The following FAM135B variants were observed in gnomAD, a reference collection of about 807,000 sequenced individuals.
The protein encoded by FAM135B is family with sequence similarity 135 member B.
A neutral mutation model predicts 127.7 loss-of-function variants in FAM135B; 43 were observed. The observed-to-expected ratio is 0.34, with a 90% confidence interval of 0.26 to 0.43. FAM135B has a LOEUF of 0.43. Ranked by LOEUF, FAM135B falls within the 20% of genes least tolerant of loss-of-function variation. The pLI is 1.00. For missense variants in FAM135B, 1,558 were observed against 1,725.6 expected (o/e 0.90, Z 1.72); for synonymous variants, 670 against 665.1 (o/e 1.01, Z -0.11).
intron 1 of FAM135B, among the ~76,000 whole-genome samples, chr8:138,383,162 C>T (rs1204870876): frequency 6.6e-6 from 1 of 152,224 alleles, no homozygotes; most frequent in Non-Finnish European, 1.5e-5. Flanking sequence ...CCTCCAGCTC[C>T]TCAGATGATT....
At chr8:138,225,356 G>C (rs953314718) in intron 7 of FAM135B, among the ~76,000 whole-genome samples, 4 of 151,854 alleles carry the variant, frequency 2.6e-5, no homozygotes, top group Admixed American at 2.0e-4. Context: ...GCCAGGAAGA[G>C]AGCCCTCACC....
chr8:138,441,498 C>T (rs992393862), intron 1 of FAM135B: 1 of 152,186 alleles, frequency 6.6e-6, no homozygotes, highest in Non-Finnish European at 1.5e-5. Context: ...CCATCAGCAT[C>T]ACTATTGTGT....
chr8:138,357,609 G>C (rs1414236604), intron 2 of FAM135B, among the ~76,000 whole-genome samples: 1 of 151,934 alleles, frequency 6.6e-6, no homozygotes, highest in Non-Finnish European at 1.5e-5. Flanking sequence ...AGTTTAAAAT[G>C]AAGATATCTA....
At chr8:138,376,527 T>C (rs1199911579) in intron 1 of FAM135B, among the ~76,000 whole-genome samples, 1 of 152,226 alleles carries the variant, frequency 6.6e-6, no homozygotes, top group African/African-American at 2.4e-5. Context: ...GTGGTTTCTC[T>C]GGCCCTTACC....
chr8:138,406,719 C>A (rs1346079449), intron 1 of FAM135B, among the ~76,000 whole-genome samples: 1 of 151,180 alleles, frequency 6.6e-6, no homozygotes, highest in East Asian at 1.9e-4. Flanking sequence ...ACCGTTCATG[C>A]TAAAAACTCT....
At chr8:138,406,312 C>G (rs1312677387) in intron 1 of FAM135B, among the ~76,000 whole-genome samples, 3 of 152,146 alleles carry the variant, frequency 2.0e-5, no homozygotes, top group Non-Finnish European at 4.4e-5. Context: ...GGATTCACAG[C>G]TGAATTCTAC....
intron 9 of FAM135B, among the ~76,000 whole-genome samples, chr8:138,182,978 C>T (rs1286199591): frequency 6.6e-6 from 1 of 152,180 alleles, no homozygotes; most frequent in African/African-American, 2.4e-5. Flanking sequence ...TCGTGCATGT[C>T]CTCATCTTCA....
At chr8:138,374,224 T>C (rs764844060) in intron 1 of FAM135B, among the ~76,000 whole-genome samples, 4 of 152,130 alleles carry the variant, frequency 2.6e-5, no homozygotes, top group Admixed American at 2.0e-4. Context: ...TTAGGGAAAA[T>C]AGAAAAGAAC....
rs532667310 is a variant in FAM135B at position 138,374,832 on chromosome 8, T to G, written c.-19-6830A>C. Among the ~76,000 whole-genome samples the G allele has an allele frequency of 8.5e-5, 13 of 152,308 alleles. No individual in the cohort carries two copies. The South Asian group carries it at 2.3e-3, about 27-fold the overall frequency. ...TGAGGATGCACAGTGATGAGTGCAC[T>G]GAGAGGTGTCAACATGCATCATGCT... is the stretch of plus-strand genomic sequence containing the variant. On this transcript the variant is annotated intron_variant, in intron 1 of 19. Transcript: ENST00000395297.
At chr8:138,394,609 AGGTGACCTT>A (rs1832761616) in intron 1 of FAM135B, among the ~76,000 whole-genome samples, 1 of 152,216 alleles carries the variant, frequency 6.6e-6, no homozygotes, top group African/African-American at 2.4e-5. Context: ...TCACTGAGGC[AGGTGACCTT>A]GGTGATCTGA....
chr8:138,385,798 C>A (rs1396959848), intron 1 of FAM135B, among the ~76,000 whole-genome samples: 1 of 151,736 alleles, frequency 6.6e-6, no homozygotes, highest in Non-Finnish European at 1.5e-5. Flanking sequence ...GGTGACAGAG[C>A]GAGCTCAAAA....
Position 138,151,837 on chromosome 8 carries a change from A to C in FAM135B, c.2638T>G (p.Leu880Val), listed in dbSNP as rs1818183563. The stretch of plus-strand genomic sequence containing the variant: ...AGTGCTATGACGCGTGGTATTTTTA[A>C]ATTAAGACCTTTGGTTTCAACACCT... ...TPGVETKGLNLKIPRVIALEN... is the reference protein window; with the variant it reads ...TPGVETKGLNVKIPRVIALEN... The change falls in exon 13 of 20, where the codon TTA (leucine) becomes GTA (valine). Residue 880 changes from leucine (L) to valine (V), a missense_variant. Around this residue, in one of 5 missense-constraint regions of FAM135B, gnomAD observed 923 missense variants for 865.3 expected, o/e 1.07. Coordinates refer to ENST00000395297, the MANE Select transcript of FAM135B (RefSeq NM_015912.4). 1 of 1,614,000 alleles carries C rather than the reference A, an allele frequency of 6.2e-7. No individual in the cohort carries two copies. The highest frequency in any genetic ancestry group is 1.1e-5 in the South Asian group (1 of 91,074).
intron 1 of FAM135B, among the ~76,000 whole-genome samples, chr8:138,418,308 C>T (rs1834283047): frequency 6.6e-6 from 1 of 151,964 alleles, no homozygotes; most frequent in East Asian, 1.9e-4. Context: ...TGTAAAAAGA[C>T]CAAACCTATG....
At chr8:138,274,084 C>T (rs1823613391) in intron 3 of FAM135B, among the ~76,000 whole-genome samples, 1 of 152,204 alleles carries the variant, frequency 6.6e-6, no homozygotes. Context: ...TGTTCCTCCT[C>T]CTGTCTTACC....
intron 1 of FAM135B, among the ~76,000 whole-genome samples, chr8:138,455,822 T>C (rs889204851): frequency 2.0e-5 from 3 of 152,170 alleles, no homozygotes; most frequent in Non-Finnish European, 4.4e-5. Context: ...CCATAATTCA[T>C]GCTGTAGACA....
At position 138,453,054 on chromosome 8, in the gene FAM135B, C is replaced by T. The variant is rs116227209; in HGVS notation, c.-20+43617G>A. 1.3e-3 allele frequency among the ~76,000 whole-genome samples: 198 copies of T among 152,144 alleles called. 2 individuals are homozygous for T. Among genetic ancestry groups the T allele is most frequent in the African/African-American group, 4.0e-3 (168 of 41,510 alleles). On this transcript the variant is annotated intron_variant, in intron 1 of 19. Coordinates refer to ENST00000395297, the MANE Select transcript of FAM135B (RefSeq NM_015912.4). ...AGACTAGTAGCTCATGAATAGAATA[C>T]AATATCAGGAAGTGGGGATCATGGA...
intron 13 of FAM135B, among the ~76,000 whole-genome samples, chr8:138,149,145 AAATAAAT>A (rs1563685992): frequency 2.0e-5 from 3 of 150,900 alleles, no homozygotes; most frequent in African/African-American, 7.3e-5. Flanking sequence ...AAAAATAAAT[AAATAAAT>A]AAATAAATAA....
At chr8:138,470,718 G>C (rs1407520508) in intron 1 of FAM135B, among the ~76,000 whole-genome samples, 1 of 152,140 alleles carries the variant, frequency 6.6e-6, no homozygotes, top group Non-Finnish European at 1.5e-5. Flanking sequence ...TCACAATAAA[G>C]CTGGATTTGA....
chr8:138,318,510 G>A (rs1827238736), intron 2 of FAM135B, among the ~76,000 whole-genome samples: 1 of 152,138 alleles, frequency 6.6e-6, no homozygotes, highest in South Asian at 2.1e-4. Flanking sequence ...CAAATCCTAT[G>A]TGAAAGCAAG....
Sources: allele counts gnomAD v4.1 joint callset (sites outside exome capture counted in the v4.1 genomes callset), GRCh38; gene constraint gnomAD v4.1.1; regional missense constraint gnomAD v4.1.1; transcripts MANE v1.5; gene names NCBI Gene and HGNC (gene_info 2026-07-23, HGNC 2026-07-21).